AVEN: variants seen among roughly 807,000 people sequenced by gnomAD.
AVEN encodes the protein apoptosis and caspase activation inhibitor, also known as cell death regulator Aven.
In AVEN, 41 loss-of-function variants were observed where a neutral mutation model predicts 38.1. The observed-to-expected ratio is 1.08, with a 90% CI of 0.84 to 1.40. The LOEUF (loss-of-function observed/expected upper bound fraction) is 1.40. AVEN is among the 40% of genes most tolerant of loss of function. The pLI is 0.00. For synonymous variants in AVEN, 206 were observed against 171.8 expected (o/e 1.20, Z -1.56); for missense variants, 605 against 438.8 (o/e 1.38, Z -3.38).
chr15:34,041,319 A>G (rs939825134), upstream of AVEN, among the ~76,000 whole-genome samples: 33 of 152,322 alleles, frequency 2.2e-4, no homozygotes, highest in African/African-American at 7.7e-4. Context: ...ACGTTTTAGT[A>G]TCTAAGGAGC....
chr15:34,054,990 C>G (rs902578269), intron 5 of AVEN, among the ~76,000 whole-genome samples: 38 of 151,734 alleles, frequency 2.5e-4, no homozygotes, highest in African/African-American at 8.9e-4. Context: ...GTCAGGAGTT[C>G]GAGACCAGCC....
At chr15:33,913,933 G>A (rs1351453778) in intron 2 of AVEN, among the ~76,000 whole-genome samples, 1 of 152,116 alleles carries the variant, frequency 6.6e-6, no homozygotes, top group African/African-American at 2.4e-5. Flanking sequence ...GGAAATATGT[G>A]GATATAAAAT....
chr15:33,894,372 G>T (rs1026106248), intron 2 of AVEN, among the ~76,000 whole-genome samples: 1 of 151,952 alleles, frequency 6.6e-6, no homozygotes, highest in African/African-American at 2.4e-5. Flanking sequence ...TAACAGGAAG[G>T]CACTGACAGG....
chr15:33,926,041 G>A lies in AVEN; in HGVS notation c.446-50046C>T, dbSNP rs72716880. ...AGACGCCATTTTCATTTGTGCTAAC[G>A]GTTTCAACATAGTTTTTCAGATGGC... On this transcript the variant is annotated intron_variant, in intron 2 of 5. Coordinates refer to ENST00000306730, the MANE Select transcript of AVEN (RefSeq NM_020371.3). 3.3e-3 allele frequency among the ~76,000 whole-genome samples: 504 copies of A among 152,200 alleles called. 2 individuals are homozygous for A. The highest frequency in any genetic ancestry group is 4.9e-3 in the Non-Finnish European group (330 of 68,012).
At position 33,866,732 on chromosome 15, in the gene AVEN, G is replaced by A; in HGVS notation, c.974-4C>T. 6.2e-7 allele frequency: 1 copy of A among 1,604,332 alleles called. No homozygotes were observed. The highest frequency in any genetic ancestry group is 1.1e-5 in the South Asian group (1 of 90,262). ...GTCACAGATGGTTTTGCACAAACTGGGGGAAAAAAAACAATGTTAACACCC... is the reference window on the plus strand; with the variant it reads ...GTCACAGATGGTTTTGCACAAACTGAGGGAAAAAAAACAATGTTAACACCC... On this transcript the variant is annotated splice_region_variant and splice_polypyrimidine_tract_variant and intron_variant, in intron 5 of 5. Coordinates refer to ENST00000306730, the MANE Select transcript of AVEN (RefSeq NM_020371.3).
intron 2 of AVEN, among the ~76,000 whole-genome samples, chr15:33,926,546 C>A (rs1429231774): frequency 6.6e-6 from 1 of 152,208 alleles, no homozygotes; most frequent in African/African-American, 2.4e-5. Context: ...CACAGAGGCT[C>A]ATGCCTATAA....
rs547223430 is a variant in AVEN, at chr15:34,012,611, C to T, written c.268-9402G>A. Among the ~76,000 whole-genome samples, 4 of 152,296 alleles carry T rather than the reference C, an allele frequency of 2.6e-5. 1 individual carries two copies. In the South Asian group the frequency reaches 6.2e-4, roughly 24 times the overall value. ...AATTTTCAACTCTCTTATCTACCAG[C>T]GTAAGTCTGGTTTCCTTAGTCACTC... On this transcript the variant is annotated intron_variant, in intron 1 of 5. Coordinates refer to ENST00000306730, the MANE Select transcript of AVEN (RefSeq NM_020371.3).
downstream of AVEN, among the ~76,000 whole-genome samples, chr15:33,862,209 G>C (rs1017008946): frequency 6.6e-6 from 1 of 151,570 alleles, no homozygotes; most frequent in African/African-American, 2.4e-5. Flanking sequence ...TTGTAGCTTA[G>C]AGAGTCCTCA....
intron 2 of AVEN, among the ~76,000 whole-genome samples, chr15:33,961,695 C>T (rs577528981): frequency 7.2e-4 from 108 of 150,768 alleles, no homozygotes; most frequent in African/African-American, 2.5e-3. Flanking sequence ...CACCTGTAGT[C>T]CCAGCTACTC....
At chr15:33,935,081 T>A (rs2153052012) in intron 2 of AVEN, among the ~76,000 whole-genome samples, 1 of 152,240 alleles carries the variant, frequency 6.6e-6, no homozygotes, top group East Asian at 1.9e-4. Context: ...TCCATCCAAG[T>A]GCTATGAGTC....
chr15:33,915,276 C>T (rs2153046285), intron 2 of AVEN, among the ~76,000 whole-genome samples: 1 of 152,252 alleles, frequency 6.6e-6, no homozygotes, highest in East Asian at 1.9e-4. Context: ...AGATAATCCA[C>T]AGACTCTTTG....
Position 34,063,457 on chromosome 15 carries a change from G to C in AVEN, n.1127-25C>G. ...GCTGAGAAGAGAAAGCCAGCTCATA[G>C]GGCTCTGTTCAGATCCTGCTTGCGC... On this transcript the variant is annotated intron_variant and non_coding_transcript_variant, in intron 4 of 11. Coordinates refer to the AVEN transcript ENST00000675287. This position sits in a 1 kb window ranked among gnomAD's most constrained non-coding sequence, Gnocchi z 4.1. 1 of 1,613,838 alleles carries C rather than the reference G, an allele frequency of 6.2e-7. No homozygotes were observed. The highest frequency in any genetic ancestry group is 8.5e-7 in the Non-Finnish European group (1 of 1,180,040).
At chr15:34,007,507 A>G (rs1897407980) in intron 1 of AVEN, among the ~76,000 whole-genome samples, 1 of 152,168 alleles carries the variant, frequency 6.6e-6, no homozygotes, top group Non-Finnish European at 1.5e-5. Flanking sequence ...AGACCTACCC[A>G]GAGTCGCCTT....
intron 1 of AVEN, among the ~76,000 whole-genome samples, chr15:34,028,898 GA>G (rs559083200): frequency 1.3e-4 from 19 of 145,760 alleles, no homozygotes; most frequent in South Asian, 6.5e-4. Context: ...ACAGATGCCA[GA>G]AAAAAAAAAA....
chr15:33,965,190 G>C (rs1021490497), intron 2 of AVEN, among the ~76,000 whole-genome samples: 3 of 152,128 alleles, frequency 2.0e-5, no homozygotes, highest in African/African-American at 7.2e-5. Flanking sequence ...TGCTAAAAAT[G>C]GCATGGCATG....
chr15:33,882,583 G>A (rs1370257539), intron 2 of AVEN, among the ~76,000 whole-genome samples: 2 of 149,566 alleles, frequency 1.3e-5, no homozygotes, highest in Non-Finnish European at 3.0e-5. Flanking sequence ...ATAGAAATAA[G>A]GCTGGGTGTA....
intron 2 of AVEN, among the ~76,000 whole-genome samples, chr15:33,888,673 TATATTTA>T (rs1167187219): frequency 6.6e-6 from 1 of 151,838 alleles, no homozygotes; most frequent in Non-Finnish European, 1.5e-5. Context: ...TTATAGTCAA[TATATTTA>T]ATATTTATTT....
chr15:34,068,523 T>C (rs1272376438), intron 2 of AVEN, among the ~76,000 whole-genome samples: 1 of 152,158 alleles, frequency 6.6e-6, no homozygotes, highest in African/African-American at 2.4e-5. Flanking sequence ...TGTGTATTTC[T>C]TAAGAAGGAG....
chr15:33,954,362 T>C (rs980657505), intron 2 of AVEN, among the ~76,000 whole-genome samples: 3 of 152,324 alleles, frequency 2.0e-5, no homozygotes, highest in African/African-American at 4.8e-5. Flanking sequence ...CGTATGTTTA[T>C]TGTGGCACTA....
Sources: gnomAD v4.1 joint callset for allele counts (sites outside exome capture counted in the v4.1 genomes callset) on GRCh38, gnomAD v4.1.1 for gene constraint, Gnocchi (gnomAD v3.1) non-coding constraint, MANE v1.5 for transcripts, NCBI Gene and HGNC (gene_info 2026-07-23, HGNC 2026-07-21) for gene names.